XIAP: variants seen among roughly 807,000 people sequenced by gnomAD.
The protein encoded by XIAP is E3 ubiquitin-protein ligase XIAP.
XIAP carries 3 observed loss-of-function variants against 33.1 expected under a neutral mutation model. The observed-to-expected ratio is 0.09, with a 90% CI of 0.04 to 0.23. The LOEUF is 0.23. XIAP is among the 10% of genes least tolerant of loss of function. The pLI is 1.00. For synonymous variants in XIAP, 98 were observed against 121.3 expected (o/e 0.81, Z 1.26); for missense variants, 264 against 363.0 (o/e 0.73, Z 2.22).
Position 123,909,051 on chromosome X carries a change from A to G in XIAP, c.*1870A>G. On this transcript the variant is annotated 3_prime_UTR_variant, in exon 7 of 7. Transcript: ENST00000371199. ...TTATTTATTTAATTTTCTTTTTGAG[A>G]TGGAGTCTTGCTTGTCACCCAGGCT... 1 of 288,764 alleles carries G rather than the reference A, an allele frequency of 3.5e-6. No individual in the cohort carries two copies. The highest frequency in any genetic ancestry group is 6.5e-6 in the Non-Finnish European group (1 of 154,756). 23.8% of individuals were successfully genotyped at this position (288,764 alleles called of 1,213,427 possible). A position where few individuals can be genotyped will look rare whatever the true frequency, so the allele number is the denominator to read the frequency against.
intron 1 of XIAP, among the ~76,000 whole-genome samples, chrX:123,865,585 G>A (rs1365054319): frequency 3.7e-5 from 4 of 108,085 alleles, no homozygotes; most frequent in African/African-American, 1.0e-4. Context: ...TTAGCTGGGC[G>A]TGGTGGCAGG....
chrX:123,912,686 G>A lies in XIAP; in HGVS notation c.*5505G>A, dbSNP rs28745607. On this transcript the variant is annotated 3_prime_UTR_variant, in exon 7 of 7. Coordinates refer to ENST00000371199, the MANE Select transcript of XIAP (RefSeq NM_001167.4). ...TGTGCATACATTATATGCAAATACT[G>A]TTTTTTTTTTTTTTAATTTAAACAG... is the stretch of plus-strand genomic sequence containing the variant. 447 of 224,884 alleles carry A rather than the reference G, an allele frequency of 2.0e-3. No individual in the cohort carries two copies. The East Asian group carries it at 0.039, about 19-fold the overall frequency. The allele number at this position is 224,884 out of a possible 1,213,427, so 18.5% of individuals were successfully genotyped here.
chrX:123,898,903 G>A (rs1438954624), intron 5 of XIAP, among the ~76,000 whole-genome samples: 1 of 104,104 alleles, frequency 9.6e-6, no homozygotes, highest in Non-Finnish European at 2.0e-5. Flanking sequence ...GGTGGATCAC[G>A]AGGTCAGGAG....
At chrX:123,867,530 C>T (rs1286080141) in intron 1 of XIAP, among the ~76,000 whole-genome samples, 1 of 109,160 alleles carries the variant, frequency 9.2e-6, no homozygotes, top group Admixed American at 9.9e-5. Flanking sequence ...TGTGCTACCA[C>T]GCCCGGCTAA....
intron 5 of XIAP, among the ~76,000 whole-genome samples, chrX:123,899,145 AT>A (rs768794727): frequency 0.14 from 6,132 of 42,302 alleles, 1,309 homozygotes; most frequent in Non-Finnish European, 0.16. Flanking sequence ...AAAAAAAAAA[AT>A]ATATATATAT....
chrX:123,912,746 A>G lies in XIAP; in HGVS notation c.*5565A>G, dbSNP rs777587060. 3.1e-6 allele frequency: 1 copy of G among 327,566 alleles called. No homozygotes were observed. The highest frequency in any genetic ancestry group is 5.9e-6 in the Non-Finnish European group (1 of 169,581). 27.0% of individuals were successfully genotyped at this position (327,566 alleles called of 1,213,427 possible). ...GTTGCCCAGGATGGAGTGCAATGGC[A>G]CAATCTTGGCTCATGGCAAACTCTG... On this transcript the variant is annotated 3_prime_UTR_variant, in exon 7 of 7. Coordinates refer to ENST00000371199, the MANE Select transcript of XIAP (RefSeq NM_001167.4).
At chrX:123,898,566 G>A (rs890016869) in intron 5 of XIAP, among the ~76,000 whole-genome samples, 2 of 109,093 alleles carry the variant, frequency 1.8e-5, no homozygotes, top group African/African-American at 6.6e-5. Context: ...TTGCAGAGAC[G>A]GGGTTTTGAA....
intron 6 of XIAP, among the ~76,000 whole-genome samples, chrX:123,903,234 G>C (rs911079027): frequency 2.5e-4 from 25 of 99,637 alleles, no homozygotes; most frequent in Admixed American, 4.6e-4. Flanking sequence ...TGTTGCCCAG[G>C]CTGGAATGCA....
Position 123,881,901 on chromosome X carries a change from G to C in XIAP, c.-32-3730G>C, listed in dbSNP as rs377339586. Among the ~76,000 whole-genome samples the C allele has an allele frequency of 8.2e-5, 9 of 109,941 alleles. No homozygotes were observed. The East Asian group carries it at 2.3e-3, about 28-fold the overall frequency. On this transcript the variant is annotated intron_variant, in intron 1 of 6. Coordinates refer to ENST00000371199, the MANE Select transcript of XIAP (RefSeq NM_001167.4). ...CCCAAGTAGCTGGGATTATAGGCAT[G>C]TGCCACCACACCCGGCTAATTTTTG...
intron 1 of XIAP, among the ~76,000 whole-genome samples, chrX:123,865,659 C>G (rs779504005): frequency 9.0e-6 from 1 of 110,844 alleles, no homozygotes; most frequent in East Asian, 2.9e-4. Flanking sequence ...GGGAGGCGGA[C>G]CTTGCAGTGA....
intron 1 of XIAP, among the ~76,000 whole-genome samples, chrX:123,863,405 C>T (rs2053099223): frequency 1.8e-5 from 2 of 109,284 alleles, no homozygotes; most frequent in Non-Finnish European, 3.8e-5. Context: ...GAGCTGAGAA[C>T]GCAACATTCA....
rs1411532103 is a variant in XIAP at position 123,910,341 on chromosome X, GTTATA to G, written c.*3165_*3169del. On this transcript the variant is annotated 3_prime_UTR_variant, in exon 7 of 7. Transcript: ENST00000371199. ...ATTATGATATTTTGTTATTTTTGTT[GTTATA>G]TTATTTACATTTCAGTAGTTGTTTT... 1.2e-5 allele frequency: 4 copies of G among 327,176 alleles called. No individual in the cohort carries two copies. The highest frequency in any genetic ancestry group is 2.6e-5 in the South Asian group (1 of 38,292). The allele number at this position is 327,176 out of a possible 1,213,427, so 27.0% of individuals were successfully genotyped here.
intron 6 of XIAP, 32 bp from the exon 7 acceptor site, chrX:123,906,956 A>G: frequency 8.3e-7 from 1 of 1,204,542 alleles, no homozygotes; most frequent in Non-Finnish European, 1.1e-6. Context: ...AAGAGAGTCT[A>G]AAACTAGCAT....
chrX:123,905,193 G>T (rs900930368), intron 6 of XIAP, among the ~76,000 whole-genome samples: 1 of 111,185 alleles, frequency 9.0e-6, no homozygotes, highest in Non-Finnish European at 1.9e-5. Flanking sequence ...TGCCTCCCAG[G>T]ACCCTTGGGA....
chrX:123,899,171 TTA>T (rs768897140), intron 5 of XIAP, among the ~76,000 whole-genome samples: 2 of 23,836 alleles, frequency 8.4e-5, no homozygotes, highest in Non-Finnish European at 1.5e-4. Flanking sequence ...ATATATGATT[TTA>T]TATATATATG....
chrX:123,912,503 T>C lies in XIAP; in HGVS notation c.*5322T>C. 9.2e-6 allele frequency: 3 copies of C among 326,865 alleles called. No individual in the cohort carries two copies. Among genetic ancestry groups the C allele is most frequent in the South Asian group, 7.9e-5 (3 of 37,921 alleles). 26.9% of individuals were successfully genotyped at this position (326,865 alleles called of 1,213,427 possible). On this transcript the variant is annotated 3_prime_UTR_variant, in exon 7 of 7. Transcript: ENST00000371199. ...TACAAAAATTAGCTGGGCATGGTGGTGTGTGCCTGTAGTCCTGGCTACTCC... is the reference window on the plus strand; with the variant it reads ...TACAAAAATTAGCTGGGCATGGTGGCGTGTGCCTGTAGTCCTGGCTACTCC...
At chrX:123,880,598 G>A (rs983919158) in intron 1 of XIAP, among the ~76,000 whole-genome samples, 5 of 107,943 alleles carry the variant, frequency 4.6e-5, no homozygotes, top group Admixed American at 1.0e-4. Flanking sequence ...TTAGCCAGGC[G>A]TGGTGGCGGG....
chrX:123,894,960 A>G (rs2983464), intron 5 of XIAP, among the ~76,000 whole-genome samples: 21,468 of 68,315 alleles, frequency 0.31, 1,666 homozygotes, highest in East Asian at 0.67. Flanking sequence ...AAATAAGTAA[A>G]TAAATAAATA....
At chrX:123,883,380 G>A (rs775967308) in intron 1 of XIAP, among the ~76,000 whole-genome samples, 22 of 110,545 alleles carry the variant, frequency 2.0e-4, no homozygotes, top group African/African-American at 6.6e-4. Context: ...CACCGTGTCC[G>A]GCCTATGCAC....
Sources: gnomAD v4.1 joint callset for allele counts (sites outside exome capture counted in the v4.1 genomes callset) on GRCh38, gnomAD v4.1.1 for gene constraint, MANE v1.5 for transcripts, NCBI Gene and HGNC (gene_info 2026-07-23, HGNC 2026-07-21) for gene names.